Variants in HCRTR2 observed in about 807,000 individuals in gnomAD.
HCRTR2 encodes the protein hypocretin receptor 2, also known as orexin receptor type 2.
HCRTR2 carries 22 observed loss-of-function variants against 49.0 expected under a neutral mutation model. The ratio of observed to expected loss-of-function variants is 0.45; its 90% CI spans 0.32 to 0.64. The LOEUF (loss-of-function observed/expected upper bound fraction) is 0.64, where lower values mean the gene tolerates loss of function less well. Among genes scored for constraint, HCRTR2 ranks in the 30% least tolerant of loss-of-function variants. HCRTR2 has a pLI of 0.04. For synonymous variants in HCRTR2, 236 were observed against 205.3 expected (o/e 1.15, Z -1.28); for missense variants, 491 against 559.4 (o/e 0.88, Z 1.23).
chr6:55,225,189 A>G (rs968652132), intron 1 of HCRTR2, among the ~76,000 whole-genome samples: 6 of 152,202 alleles, frequency 3.9e-5, no homozygotes, highest in Non-Finnish European at 7.3e-5. Flanking sequence ...AAAATTAGGA[A>G]TTAAGGTACA....
chr6:55,160,094 C>T (rs1381856623), intron 1 of HCRTR2, among the ~76,000 whole-genome samples: 7 of 152,140 alleles, frequency 4.6e-5, no homozygotes, highest in Non-Finnish European at 8.8e-5. Flanking sequence ...AGAGAAAGGT[C>T]GGGTTACCCA....
chr6:55,149,207 AGTTTT>A (rs1764632572), intron 1 of HCRTR2, among the ~76,000 whole-genome samples: 1 of 152,006 alleles, frequency 6.6e-6, no homozygotes, highest in Non-Finnish European at 1.5e-5. Flanking sequence ...AACCAAATAC[AGTTTT>A]GTTTTGTGGA....
At position 55,157,614 on chromosome 6, in the gene HCRTR2, C is replaced by T. The variant is rs192144588; in HGVS notation, c.-377-16597C>T. Among the ~76,000 whole-genome samples the T allele has an allele frequency of 2.2e-4, 33 of 152,300 alleles. No homozygotes were observed. The East Asian group carries it at 6.0e-3, about 28-fold the overall frequency. Reference sequence around the variant, plus strand: ...TATGTTGGCTTCTAGTTTGACCCAGCACAGCCCAAGGGTGGTAACCACATG... The same window carrying T: ...TATGTTGGCTTCTAGTTTGACCCAGTACAGCCCAAGGGTGGTAACCACATG... On this transcript the variant is annotated intron_variant, in intron 1 of 7. Transcript: ENST00000615358.
At chr6:55,185,160 A>G (rs1280605319) in intron 1 of HCRTR2, among the ~76,000 whole-genome samples, 2 of 152,224 alleles carry the variant, frequency 1.3e-5, no homozygotes, top group Non-Finnish European at 2.9e-5. Context: ...ACTTTATACA[A>G]AAGTTTCCCA....
rs765536328 is a variant in HCRTR2 at position 55,259,310 on chromosome 6, A to G, written c.646+3931A>G. The stretch of plus-strand genomic sequence containing the variant: ...GGTTTGAAAGCATATAAATATGTGT[A>G]TAAGTCTATTAATGGGAAGATTTAT... On this transcript the variant is annotated intron_variant, in intron 3 of 6. Coordinates refer to ENST00000370862, the MANE Select transcript of HCRTR2 (RefSeq NM_001384272.1). Among the ~76,000 whole-genome samples, 4 of 152,126 alleles carry G rather than the reference A, an allele frequency of 2.6e-5. 1 individual carries two copies. The highest frequency in any genetic ancestry group is 2.1e-4 in the South Asian group (1 of 4,830).
chr6:55,150,511 G>A (rs1764650434), intron 1 of HCRTR2, among the ~76,000 whole-genome samples: 1 of 151,638 alleles, frequency 6.6e-6, no homozygotes, highest in Non-Finnish European at 1.5e-5. Flanking sequence ...ACCTCCCCCG[G>A]CCCTGGATAC....
At chr6:55,203,142 T>C (rs1460120221) in intron 1 of HCRTR2, among the ~76,000 whole-genome samples, 2 of 152,168 alleles carry the variant, frequency 1.3e-5, no homozygotes, top group African/African-American at 4.8e-5. Context: ...AGAAAAACTG[T>C]GCCTGAAACT....
At chr6:55,135,480 G>A (rs902716293) in intron 1 of HCRTR2, among the ~76,000 whole-genome samples, 3 of 151,964 alleles carry the variant, frequency 2.0e-5, no homozygotes, top group African/African-American at 7.3e-5. Flanking sequence ...CCTGAAAGTT[G>A]CCCAAAAACC....
rs574493442 is a variant in HCRTR2, at chr6:55,253,796, A to C, written c.403-1340A>C. Among the ~76,000 whole-genome samples, 6 of 152,278 alleles carry C rather than the reference A, an allele frequency of 3.9e-5. No homozygotes were observed. In the East Asian group the frequency reaches 1.2e-3, roughly 29 times the overall value. On this transcript the variant is annotated intron_variant, in intron 2 of 6. Transcript: ENST00000370862. ...GCAGGAACAGAAAAGCAAATACTAC[A>C]TGTTCTCATTTATAAATGGGAGCTA...
intron 1 of HCRTR2, among the ~76,000 whole-genome samples, chr6:55,227,592 C>G (rs1766034236): frequency 6.6e-6 from 1 of 152,126 alleles, no homozygotes; most frequent in Non-Finnish European, 1.5e-5. Context: ...TGACTATTGA[C>G]TGTCTTAGTA....
At chr6:55,154,027 A>C (rs1248001198) in intron 1 of HCRTR2, among the ~76,000 whole-genome samples, 1 of 151,680 alleles carries the variant, frequency 6.6e-6, no homozygotes, top group East Asian at 1.9e-4. Flanking sequence ...ACAACCTAGA[A>C]AAAAAATGGA....
chr6:55,145,625 C>T (rs545603973), intron 1 of HCRTR2, among the ~76,000 whole-genome samples: 21 of 152,104 alleles, frequency 1.4e-4, no homozygotes, highest in Non-Finnish European at 2.2e-4. Context: ...CCGTGTTAGC[C>T]AGGATGGTCT....
At chr6:55,265,266 G>T (rs572538898) in intron 4 of HCRTR2, among the ~76,000 whole-genome samples, 2 of 152,172 alleles carry the variant, frequency 1.3e-5, no homozygotes, top group South Asian at 4.1e-4. Flanking sequence ...ATATTTTAGG[G>T]TGTTTGTTAC....
chr6:55,271,760 A>C (rs1416520290), intron 4 of HCRTR2, among the ~76,000 whole-genome samples: 1 of 152,138 alleles, frequency 6.6e-6, no homozygotes, highest in African/African-American at 2.4e-5. Flanking sequence ...GTCAATAAGC[A>C]CATAAGAAGG....
At chr6:55,126,217 AGCC>A (rs1764274078) in intron 1 of HCRTR2, among the ~76,000 whole-genome samples, 1 of 152,072 alleles carries the variant, frequency 6.6e-6, no homozygotes, top group Non-Finnish European at 1.5e-5. Context: ...TGGAATTTTC[AGCC>A]TTTTTTGCAC....
At chr6:55,259,234 AAT>A (rs1428094703) in intron 3 of HCRTR2, among the ~76,000 whole-genome samples, 2 of 151,960 alleles carry the variant, frequency 1.3e-5, no homozygotes, top group African/African-American at 2.4e-5. Flanking sequence ...AAAAAAAAAA[AAT>A]GGAACCATTT....
intron 1 of HCRTR2, among the ~76,000 whole-genome samples, chr6:55,201,087 CT>C (rs1286718881): frequency 6.6e-6 from 1 of 152,004 alleles, no homozygotes; most frequent in Non-Finnish European, 1.5e-5. Context: ...TAAGGTAGAC[CT>C]GTTTGGTAGG....
At chr6:55,225,892 G>A (rs1213111767) in intron 1 of HCRTR2, among the ~76,000 whole-genome samples, 2 of 152,072 alleles carry the variant, frequency 1.3e-5, no homozygotes, top group African/African-American at 4.8e-5. Flanking sequence ...TAAGACATTT[G>A]GGAAACCCTA....
chr6:55,246,663 C>T lies in HCRTR2; in HGVS notation c.224-1976C>T, dbSNP rs550833920. The stretch of plus-strand genomic sequence containing the variant: ...GGTGGATAACACTTAAATTGAAGAC[C>T]TAGTACTTAGTTTTACTTTTACTTA... On this transcript the variant is annotated intron_variant, in intron 1 of 6. Transcript: ENST00000370862. Among the ~76,000 whole-genome samples the T allele has an allele frequency of 8.2e-4, 125 of 152,094 alleles. 1 individual carries two copies. The highest frequency in any genetic ancestry group is 2.9e-3 in the African/African-American group (122 of 41,522).
Sources: gnomAD v4.1 joint callset for allele counts (sites outside exome capture counted in the v4.1 genomes callset) on GRCh38, gnomAD v4.1.1 for gene constraint, MANE v1.5 for transcripts, NCBI Gene and HGNC (gene_info 2026-07-23, HGNC 2026-07-21) for gene names.